The following SLC24A3 variants were observed in gnomAD, a reference collection of about 807,000 sequenced individuals.
SLC24A3 encodes sodium/potassium/calcium exchanger 3.
A neutral mutation model predicts 75.8 loss-of-function variants in SLC24A3; 28 were observed. That is an observed-to-expected ratio of 0.37 (90% confidence interval 0.27 to 0.51). The LOEUF (loss-of-function observed/expected upper bound fraction) is 0.51. SLC24A3 is among the 20% of genes least tolerant of loss of function. The pLI is 0.94. For synonymous variants in SLC24A3, 372 were observed against 334.1 expected (o/e 1.11, Z -1.24); for missense variants, 663 against 847.8 (o/e 0.78, Z 2.71).
chr20:19,295,432 A>G (rs1306494678), intron 2 of SLC24A3, among the ~76,000 whole-genome samples: 1 of 152,194 alleles, frequency 6.6e-6, no homozygotes, highest in Non-Finnish European at 1.5e-5. Context: ...GCCTTGGGCC[A>G]GTTTTTAAGG....
intron 6 of SLC24A3, among the ~76,000 whole-genome samples, chr20:19,625,863 C>T (rs2031859342): frequency 6.6e-6 from 1 of 152,166 alleles, no homozygotes; most frequent in Non-Finnish European, 1.5e-5. Flanking sequence ...CATTTCATCC[C>T]ATCAAGAGTG....
At chr20:19,581,141 G>T (rs2031212935) in intron 4 of SLC24A3, among the ~76,000 whole-genome samples, 1 of 152,228 alleles carries the variant, frequency 6.6e-6, no homozygotes, top group African/African-American at 2.4e-5. Flanking sequence ...CTCTTCCACA[G>T]TAGCACAGAG....
chr20:19,711,855 G>T (rs968158786), intron 15 of SLC24A3, among the ~76,000 whole-genome samples: 2 of 152,190 alleles, frequency 1.3e-5, no homozygotes, highest in Non-Finnish European at 2.9e-5. Context: ...GGCCAGGATG[G>T]TCTTGATCTC....
At chr20:19,403,149 G>A (rs1408960240) in intron 2 of SLC24A3, among the ~76,000 whole-genome samples, 1 of 152,126 alleles carries the variant, frequency 6.6e-6, no homozygotes, top group Non-Finnish European at 1.5e-5. Context: ...CAAAAACTGG[G>A]GAAGGGCCAG....
chr20:19,576,761 C>T (rs1446362693), intron 3 of SLC24A3, among the ~76,000 whole-genome samples: 1 of 152,168 alleles, frequency 6.6e-6, no homozygotes, highest in African/African-American at 2.4e-5. Context: ...AATACTGGAA[C>T]ATATTCTTGG....
chr20:19,619,431 A>G (rs1326894884), intron 6 of SLC24A3, among the ~76,000 whole-genome samples: 2 of 152,178 alleles, frequency 1.3e-5, no homozygotes, highest in Non-Finnish European at 2.9e-5. Flanking sequence ...TGTACTATGC[A>G]TATGATTTCA....
At chr20:19,320,096 C>T (rs1050539168) in intron 2 of SLC24A3, among the ~76,000 whole-genome samples, 10 of 152,178 alleles carry the variant, frequency 6.6e-5, no homozygotes, top group Non-Finnish European at 1.5e-4. Flanking sequence ...CAGGTCAAGG[C>T]TGTGCCTGGA....
intron 2 of SLC24A3, among the ~76,000 whole-genome samples, chr20:19,479,998 A>G (rs1208147377): frequency 6.6e-6 from 1 of 152,230 alleles, no homozygotes; most frequent in Non-Finnish European, 1.5e-5. Flanking sequence ...CCCTCTATCA[A>G]AAGGGACTGT....
chr20:19,369,200 C>T (rs559169563), intron 2 of SLC24A3, among the ~76,000 whole-genome samples: 6 of 152,266 alleles, frequency 3.9e-5, no homozygotes, highest in South Asian at 2.1e-4. Context: ...GGAACCTGGC[C>T]GCCTCCCCTA....
rs568348019 is a variant in SLC24A3 at position 19,455,433 on chromosome 20, C to T, written c.272-60055C>T. The stretch of plus-strand genomic sequence containing the variant: ...TTGCCTCAGCCTACCCCAGAGGTCA[C>T]CTGTAGATACTTTTCATAAATGTAT... On this transcript the variant is annotated intron_variant, in intron 2 of 16. Transcript: ENST00000328041. Among the ~76,000 whole-genome samples the T allele has an allele frequency of 1.4e-4, 22 of 152,282 alleles. No homozygotes were observed. In the South Asian group the frequency reaches 4.4e-3, roughly 30 times the overall value.
chr20:19,640,772 T>C (rs1039634346), intron 6 of SLC24A3, among the ~76,000 whole-genome samples: 1 of 152,176 alleles, frequency 6.6e-6, no homozygotes, highest in African/African-American at 2.4e-5. Flanking sequence ...TGTATTTTTA[T>C]TTTTATGTCA....
At chr20:19,219,351 C>T (rs1333435504) in intron 1 of SLC24A3, among the ~76,000 whole-genome samples, 1 of 152,136 alleles carries the variant, frequency 6.6e-6, no homozygotes, top group Non-Finnish European at 1.5e-5. Flanking sequence ...TGCCCGGACC[C>T]CAGTTGCGTA....
At chr20:19,255,382 G>A (rs1333762825) in intron 1 of SLC24A3, among the ~76,000 whole-genome samples, 2 of 152,248 alleles carry the variant, frequency 1.3e-5, no homozygotes, top group Non-Finnish European at 2.9e-5. Context: ...CACTGGGCCT[G>A]TGCCCTGGTT....
chr20:19,474,889 G>A (rs1385452238), intron 2 of SLC24A3, among the ~76,000 whole-genome samples: 1 of 152,074 alleles, frequency 6.6e-6, no homozygotes, highest in Non-Finnish European at 1.5e-5. Flanking sequence ...CACTCCCCCA[G>A]CCCCTGGTAA....
chr20:19,543,650 T>G (rs535418413), intron 3 of SLC24A3, among the ~76,000 whole-genome samples: 1 of 152,124 alleles, frequency 6.6e-6, no homozygotes. Context: ...AGTCTTCACA[T>G]AGGCCACAGA....
chr20:19,561,890 T>C (rs1403601466), intron 3 of SLC24A3, among the ~76,000 whole-genome samples: 1 of 152,144 alleles, frequency 6.6e-6, no homozygotes, highest in Non-Finnish European at 1.5e-5. Flanking sequence ...AACCACAGTA[T>C]CGTTACTACC....
At chr20:19,246,784 C>CCTTTCTCTATCTCTATCTCTATCT in intron 1 of SLC24A3, among the ~76,000 whole-genome samples, 1 of 152,082 alleles carries the variant, frequency 6.6e-6, no homozygotes, top group Non-Finnish European at 1.5e-5. Context: ...TATCTCTATC[C>CCTTTCTCTATCTCTATCTCTATCT]CTTTCTCTAT....
At chr20:19,603,433 G>A (rs182992547) in intron 6 of SLC24A3, among the ~76,000 whole-genome samples, 76 of 152,296 alleles carry the variant, frequency 5.0e-4, no homozygotes, top group Admixed American at 6.5e-4. Context: ...ATGTTTCTGA[G>A]GTTGTTTGCC....
At chr20:19,229,862 C>T in intron 1 of SLC24A3, among the ~76,000 whole-genome samples, 1 of 151,948 alleles carries the variant, frequency 6.6e-6, no homozygotes, top group Non-Finnish European at 1.5e-5. Context: ...CTGTCTGCTG[C>T]CTCTTATTCC....
Sources: allele counts gnomAD v4.1 joint callset (sites outside exome capture counted in the v4.1 genomes callset), GRCh38; gene constraint gnomAD v4.1.1; transcripts MANE v1.5; gene names NCBI Gene and HGNC (gene_info 2026-07-23, HGNC 2026-07-21).